The following SLC14A2 variants were observed in gnomAD, a reference collection of about 807,000 sequenced individuals.
SLC14A2 encodes solute carrier family 14 member 2.
SLC14A2 carries 91 observed loss-of-function variants against 104.6 expected under a neutral mutation model. The ratio of observed to expected loss-of-function variants is 0.87; its 90% CI spans 0.73 to 1.04. The LOEUF (loss-of-function observed/expected upper bound fraction) is 1.04, where lower values mean the gene tolerates loss of function less well. SLC14A2 is among the 50% of genes least tolerant of loss of function. SLC14A2 has a pLI of 0.00. For synonymous variants in SLC14A2, 476 were observed against 466.4 expected (o/e 1.02, Z -0.27); for missense variants, 1,189 against 1,156.0 (o/e 1.03, Z -0.41).
At chr18:45,276,059 C>T (rs1251130214) in intron 1 of SLC14A2, among the ~76,000 whole-genome samples, 2 of 152,212 alleles carry the variant, frequency 1.3e-5, no homozygotes, top group African/African-American at 2.4e-5. Context: ...GTGCTGCAGA[C>T]AGCTGCAACA....
At chr18:45,582,233 A>C (rs2044503212) in intron 2 of SLC14A2, among the ~76,000 whole-genome samples, 1 of 152,164 alleles carries the variant, frequency 6.6e-6, no homozygotes, top group East Asian at 1.9e-4. Flanking sequence ...ACAAGCCTCC[A>C]CCTCTAGCAT....
intron 1 of SLC14A2, among the ~76,000 whole-genome samples, chr18:45,415,050 T>G (rs1191725821): frequency 1.3e-5 from 2 of 151,970 alleles, no homozygotes; most frequent in African/African-American, 4.8e-5. Context: ...TTTGAGAATT[T>G]TAGACATGCT....
intron 10 of SLC14A2, among the ~76,000 whole-genome samples, chr18:45,645,905 G>T (rs1019497089): frequency 6.6e-6 from 1 of 152,030 alleles, no homozygotes; most frequent in Non-Finnish European, 1.5e-5. Flanking sequence ...ACTGGTGGGC[G>T]GTGCACAGGC....
At chr18:45,664,553 C>T (rs113479215) in intron 11 of SLC14A2, among the ~76,000 whole-genome samples, 2,239 of 152,324 alleles carry the variant, frequency 0.015, 21 homozygotes, top group Non-Finnish European at 0.023. Context: ...AATCCTGCCT[C>T]CAATCCCCAG....
chr18:45,173,415 C>A, the SLC14A2 span, among the ~76,000 whole-genome samples: 3 of 150,600 alleles, frequency 2.0e-5, no homozygotes, highest in South Asian at 2.1e-4. Flanking sequence ...CATCATCATG[C>A]AAGTAAGAGC....
intron 1 of SLC14A2, among the ~76,000 whole-genome samples, chr18:45,311,938 A>G (rs1182400426): frequency 1.3e-5 from 2 of 152,200 alleles, no homozygotes; most frequent in Non-Finnish European, 2.9e-5. Flanking sequence ...GAAATAAGCC[A>G]TTGATGCTGG....
At chr18:45,436,578 C>T (rs1218205538) in intron 1 of SLC14A2, 1 of 152,186 alleles carries the variant, frequency 6.6e-6, no homozygotes. Context: ...ATAAACGAGT[C>T]TTGAAAACAG....
chr18:45,171,037 CAG>C, the SLC14A2 span, among the ~76,000 whole-genome samples: 5 of 151,716 alleles, frequency 3.3e-5, no homozygotes, highest in African/African-American at 7.3e-5. Context: ...ATGACTCAAA[CAG>C]AGATCTATAG....
chr18:45,643,419 G>C (rs1409044191), intron 9 of SLC14A2, among the ~76,000 whole-genome samples: 1 of 152,242 alleles, frequency 6.6e-6, no homozygotes, highest in African/African-American at 2.4e-5. Context: ...GTAACTAGCA[G>C]TGGAAAACAC....
At chr18:45,256,393 T>A (rs1400233344) in intron 1 of SLC14A2, among the ~76,000 whole-genome samples, 1 of 152,228 alleles carries the variant, frequency 6.6e-6, no homozygotes, top group Non-Finnish European at 1.5e-5. Flanking sequence ...TGAATTCCAC[T>A]GAAACCTGGC....
chr18:45,450,134 T>C (rs1267552121), intron 1 of SLC14A2, among the ~76,000 whole-genome samples: 1 of 152,368 alleles, frequency 6.6e-6, no homozygotes, highest in East Asian at 1.9e-4. Flanking sequence ...GTGCTCTGCC[T>C]GGCTGCAGCT....
upstream of SLC14A2, among the ~76,000 whole-genome samples, chr18:45,211,306 C>T (rs539736219): frequency 1.1e-3 from 171 of 152,236 alleles, 1 homozygote; most frequent in African/African-American, 3.8e-3. Context: ...CAGTCTCAGC[C>T]GGGGGCTCAG....
At chr18:45,290,644 A>G (rs2084859997) in intron 1 of SLC14A2, among the ~76,000 whole-genome samples, 1 of 152,248 alleles carries the variant, frequency 6.6e-6, no homozygotes, top group Non-Finnish European at 1.5e-5. Flanking sequence ...TGTGAAACAC[A>G]CACTGGGTTT....
intron 1 of SLC14A2, among the ~76,000 whole-genome samples, chr18:45,328,605 A>G (rs1452196863): frequency 6.6e-6 from 1 of 152,204 alleles, no homozygotes; most frequent in Non-Finnish European, 1.5e-5. Context: ...ATAGGATTAA[A>G]TTTGTGATTT....
intron 1 of SLC14A2, among the ~76,000 whole-genome samples, chr18:45,394,400 A>AGG (rs1212888137): frequency 1.3e-5 from 2 of 152,240 alleles, no homozygotes; most frequent in Non-Finnish European, 2.9e-5. Flanking sequence ...TCCAGCCATC[A>AGG]GGCTTCACAA....
chr18:45,595,312 T>C (rs1394581508), intron 2 of SLC14A2, among the ~76,000 whole-genome samples: 1 of 151,984 alleles, frequency 6.6e-6, no homozygotes, highest in African/African-American at 2.4e-5. Flanking sequence ...TTAACATTTA[T>C]TTTGCACTCC....
intron 1 of SLC14A2, among the ~76,000 whole-genome samples, chr18:45,282,450 G>A (rs941149952): frequency 6.6e-5 from 10 of 152,084 alleles, no homozygotes; most frequent in Admixed American, 1.3e-4. Flanking sequence ...CTTTTCCACC[G>A]CACCAACATT....
chr18:45,346,533 G>A (rs1009804681), intron 1 of SLC14A2, among the ~76,000 whole-genome samples: 13 of 152,188 alleles, frequency 8.5e-5, no homozygotes, highest in African/African-American at 3.1e-4. Context: ...GTTGTTATGA[G>A]ATGTGAATAT....
intron 1 of SLC14A2, among the ~76,000 whole-genome samples, chr18:45,416,574 C>T (rs1486449241): frequency 6.6e-6 from 1 of 152,046 alleles, no homozygotes; most frequent in East Asian, 1.9e-4. Flanking sequence ...AGAAAACTTT[C>T]CAGTGATCTT....
Sources: allele counts gnomAD v4.1 joint callset (sites outside exome capture counted in the v4.1 genomes callset), GRCh38; gene constraint gnomAD v4.1.1; transcripts MANE v1.5; gene names NCBI Gene and HGNC (gene_info 2026-07-23, HGNC 2026-07-21).